The following PDZRN4 variants were observed in gnomAD, a reference collection of about 807,000 sequenced individuals.
PDZRN4 encodes the protein PDZ domain-containing RING finger protein 4.
In PDZRN4, 70 loss-of-function variants were observed where a neutral mutation model predicts 99.0. The observed-to-expected ratio is 0.71, with a 90% CI of 0.58 to 0.86. The LOEUF (loss-of-function observed/expected upper bound fraction) is 0.86. Among genes scored for constraint, PDZRN4 ranks in the 40% least tolerant of loss-of-function variants. PDZRN4 has a pLI of 0.00. For missense variants in PDZRN4, 1,474 were observed against 1,331.2 expected (o/e 1.11, Z -1.67); for synonymous variants, 551 against 501.6 (o/e 1.10, Z -1.32).
chr12:41,291,872 C>CAG (rs1951458660), intron 3 of PDZRN4, among the ~76,000 whole-genome samples: 1 of 151,782 alleles, frequency 6.6e-6, no homozygotes, highest in Non-Finnish European at 1.5e-5. Context: ...CCCATTACCT[C>CAG]AAACCTGGTA....
intron 3 of PDZRN4, among the ~76,000 whole-genome samples, chr12:41,489,905 A>G (rs1937851087): frequency 6.6e-6 from 1 of 152,164 alleles, no homozygotes; most frequent in Admixed American, 6.6e-5. Context: ...GCTTCTTGTT[A>G]TCATTGACTT....
At chr12:41,479,946 C>A (rs999867021) in intron 3 of PDZRN4, among the ~76,000 whole-genome samples, 2 of 152,152 alleles carry the variant, frequency 1.3e-5, no homozygotes, top group Admixed American at 1.3e-4. Flanking sequence ...CTTTATAAAA[C>A]TAAATCAAAT....
chr12:41,413,374 GA>G (rs1218205702), intron 3 of PDZRN4, among the ~76,000 whole-genome samples: 1 of 152,106 alleles, frequency 6.6e-6, no homozygotes, highest in African/African-American at 2.4e-5. Context: ...AGGACAGGGA[GA>G]AACAGGGGAT....
At chr12:41,448,934 T>G (rs981048586) in intron 3 of PDZRN4, among the ~76,000 whole-genome samples, 5 of 152,060 alleles carry the variant, frequency 3.3e-5, no homozygotes, top group Non-Finnish European at 7.4e-5. Context: ...AACAAAACAT[T>G]TATTGGCCCT....
chr12:41,194,101 G>A lies in PDZRN4; in HGVS notation c.756G>A (p.Ser252=), dbSNP rs533932703. The change falls in exon 3 of 10, where the codon TCG becomes TCA. Residue 252 remains serine (S), a synonymous_variant. Coordinates refer to ENST00000402685, the MANE Select transcript of PDZRN4 (RefSeq NM_001164595.2). ...AATAGAATAATCAGGAAGGAACATCGACTGAAGGAATTTACGTTTCAAAAA... is the reference window on the plus strand; with the variant it reads ...AATAGAATAATCAGGAAGGAACATCAACTGAAGGAATTTACGTTTCAAAAA... ...RPNQNNQEGT[S]TEGIYVSKIL... is the part of the protein sequence containing the mutation. 41 of 1,522,884 alleles carry A rather than the reference G, an allele frequency of 2.7e-5. 1 individual carries two copies. In the East Asian group the frequency reaches 4.5e-4, roughly 17 times the overall value. The allele number at this position is 1,522,884 out of a possible 1,614,324, so 94.3% of individuals were successfully genotyped here.
intron 3 of PDZRN4, among the ~76,000 whole-genome samples, chr12:41,239,889 A>T (rs547484734): frequency 6.6e-6 from 1 of 152,344 alleles, no homozygotes; most frequent in East Asian, 1.9e-4. Flanking sequence ...GGATTGGGCT[A>T]AATTTTTTTC....
At chr12:41,476,499 C>G (rs1223919801) in intron 3 of PDZRN4, among the ~76,000 whole-genome samples, 1 of 152,164 alleles carries the variant, frequency 6.6e-6, no homozygotes, top group African/African-American at 2.4e-5. Flanking sequence ...TTGTTTGATA[C>G]TGCTTCACCC....
At chr12:41,321,467 A>G (rs1478446646) in intron 3 of PDZRN4, among the ~76,000 whole-genome samples, 2 of 152,222 alleles carry the variant, frequency 1.3e-5, no homozygotes, top group African/African-American at 2.4e-5. Flanking sequence ...CATTATTCCT[A>G]GTAAACAGTG....
rs1454164140 is a variant in PDZRN4, at chr12:41,224,694, A to G, written c.843+30506A>G. Among the ~76,000 whole-genome samples, 5 of 152,184 alleles carry G rather than the reference A, an allele frequency of 3.3e-5. No homozygotes were observed. The East Asian group carries it at 9.6e-4, about 29-fold the overall frequency. On this transcript the variant is annotated intron_variant, in intron 3 of 9. Transcript: ENST00000402685. The stretch of plus-strand genomic sequence containing the variant: ...GTTTGTGTCTTAGAGTAATTTATCT[A>G]CTTTAATCCTAGAGATGGGACAAGA...
intron 3 of PDZRN4, among the ~76,000 whole-genome samples, chr12:41,247,324 T>TTA (rs1951139686): frequency 6.8e-6 from 1 of 147,332 alleles, no homozygotes; most frequent in African/African-American, 2.4e-5. Context: ...CCTGAGGAGC[T>TTA]GCTAGATAGG....
At chr12:41,401,628 G>A (rs547854531) in intron 3 of PDZRN4, among the ~76,000 whole-genome samples, 3 of 151,890 alleles carry the variant, frequency 2.0e-5, no homozygotes, top group Non-Finnish European at 4.4e-5. Flanking sequence ...CTTCACTTTT[G>A]TGCAAATGCT....
chr12:41,454,752 A>G (rs980534641), intron 3 of PDZRN4, among the ~76,000 whole-genome samples: 3 of 152,266 alleles, frequency 2.0e-5, no homozygotes, highest in Non-Finnish European at 4.4e-5. Context: ...CATGTGCTAT[A>G]CAAATACTTG....
intron 6 of PDZRN4, 67 bp downstream of exon 6, chr12:41,552,821 A>T: frequency 8.0e-7 from 1 of 1,253,180 alleles, no homozygotes; most frequent in Non-Finnish European, 1.2e-6. Context: ...AATGACTCAC[A>T]ATGAGAAAAC....
chr12:41,251,297 T>G (rs1229571973), intron 3 of PDZRN4, among the ~76,000 whole-genome samples: 2 of 152,188 alleles, frequency 1.3e-5, no homozygotes, highest in African/African-American at 4.8e-5. Flanking sequence ...AAAGATGAAT[T>G]ATTTTCCTCA....
chr12:41,517,072 C>A (rs1938413433), intron 5 of PDZRN4, among the ~76,000 whole-genome samples: 1 of 151,974 alleles, frequency 6.6e-6, no homozygotes, highest in South Asian at 2.1e-4. Context: ...CTGAACGAAA[C>A]AAGATTAGTA....
intron 3 of PDZRN4, among the ~76,000 whole-genome samples, chr12:41,253,333 T>C (rs933502824): frequency 4.6e-5 from 7 of 152,332 alleles, no homozygotes; most frequent in African/African-American, 1.7e-4. Context: ...CCCATTTTGA[T>C]TTGATTTTTA....
intron 3 of PDZRN4, among the ~76,000 whole-genome samples, chr12:41,317,789 C>T (rs1227047233): frequency 2.6e-5 from 4 of 152,158 alleles, no homozygotes; most frequent in Non-Finnish European, 5.9e-5. Context: ...CACTGCTCTC[C>T]ACCTGCACAC....
At chr12:41,218,516 A>G (rs571593335) in intron 3 of PDZRN4, among the ~76,000 whole-genome samples, 1 of 152,200 alleles carries the variant, frequency 6.6e-6, no homozygotes, top group Non-Finnish European at 1.5e-5. Context: ...TTTAATGTCT[A>G]GGAAAATGCT....
chr12:41,514,948 T>TA (rs1372058734), intron 5 of PDZRN4, among the ~76,000 whole-genome samples: 1 of 152,106 alleles, frequency 6.6e-6, no homozygotes, highest in East Asian at 1.9e-4. Flanking sequence ...GGCCACCTTA[T>TA]AAAATCATAG....
Sources: gnomAD v4.1 joint callset for allele counts (sites outside exome capture counted in the v4.1 genomes callset) on GRCh38, gnomAD v4.1.1 for gene constraint, MANE v1.5 for transcripts, NCBI Gene and HGNC (gene_info 2026-07-23, HGNC 2026-07-21) for gene names.